The following ADAM23 variants were observed in gnomAD, a reference collection of about 807,000 sequenced individuals.
ADAM23 encodes the protein disintegrin and metalloproteinase domain-containing protein 23.
A neutral mutation model predicts 120.1 loss-of-function variants in ADAM23; 33 were observed. The ratio of observed to expected loss-of-function variants is 0.27; its 90% CI spans 0.21 to 0.37. The LOEUF (loss-of-function observed/expected upper bound fraction) is 0.37, where lower values mean the gene tolerates loss of function less well. Among genes scored for constraint, ADAM23 ranks in the 10% least tolerant of loss-of-function variants. The pLI is 1.00. For synonymous variants in ADAM23, 367 were observed against 375.2 expected, an observed-to-expected ratio of 0.98 and a Z score of 0.25; for missense variants, 862 against 1,058.2, an observed-to-expected ratio of 0.81 and a Z score of 2.57.
intron 4 of ADAM23, among the ~76,000 whole-genome samples, chr2:206,531,518 C>T (rs1468180674): frequency 2.0e-5 from 3 of 152,260 alleles, no homozygotes; most frequent in Non-Finnish European, 4.4e-5. Context: ...CTGATTCCTT[C>T]ATTTGGAGAT....
chr2:206,593,869 A>G (rs367850860), intron 22 of ADAM23, among the ~76,000 whole-genome samples: 1 of 151,924 alleles, frequency 6.6e-6, no homozygotes, highest in Non-Finnish European at 1.5e-5. Context: ...AAATAATCTT[A>G]TGAAACCACT....
chr2:206,496,716 G>C (rs1001546454), intron 3 of ADAM23, among the ~76,000 whole-genome samples: 5 of 152,102 alleles, frequency 3.3e-5, no homozygotes, highest in East Asian at 1.9e-4. Flanking sequence ...TCCAGGAGCT[G>C]GTTTTTTGAA....
intron 1 of ADAM23, among the ~76,000 whole-genome samples, chr2:206,444,895 A>G (rs1695045702): frequency 6.6e-6 from 1 of 152,194 alleles, no homozygotes; most frequent in African/African-American, 2.4e-5. Context: ...GCCACTAGGC[A>G]GAGTAGAGTT....
chr2:206,570,002 C>G (rs1249092864), intron 15 of ADAM23, among the ~76,000 whole-genome samples: 1 of 152,144 alleles, frequency 6.6e-6, no homozygotes, highest in Non-Finnish European at 1.5e-5. Flanking sequence ...GCCCCCCTCC[C>G]CACTGCCCCT....
At chr2:206,537,841 A>G (rs1350522791) in intron 4 of ADAM23, among the ~76,000 whole-genome samples, 10 of 152,216 alleles carry the variant, frequency 6.6e-5, no homozygotes, top group Non-Finnish European at 1.3e-4. Flanking sequence ...TGCATAAATA[A>G]TAATTTAAGC....
intron 4 of ADAM23, among the ~76,000 whole-genome samples, chr2:206,535,712 G>A (rs1022564948): frequency 2.6e-5 from 4 of 152,136 alleles, no homozygotes; most frequent in Non-Finnish European, 5.9e-5. Context: ...ACACGAAGGG[G>A]CACATATGAT....
rs779486518 is a variant in ADAM23, at chr2:206,617,630, C to T, written c.*3C>T. The T allele has an allele frequency of 1.7e-5, 27 of 1,613,232 alleles. No individual in the cohort carries two copies. The South Asian group carries it at 2.8e-4, about 16-fold the overall frequency. On this transcript the variant is annotated 3_prime_UTR_variant, in exon 26 of 26. Transcript: ENST00000264377. ...CTACTCAGCAAGGCCCCATCTGAAT[C>T]AGCTGCGCTGGATGGACACCGCCTT...
At chr2:206,463,796 C>T (rs750989210) in intron 2 of ADAM23, among the ~76,000 whole-genome samples, 1 of 152,186 alleles carries the variant, frequency 6.6e-6, no homozygotes, top group East Asian at 1.9e-4. Context: ...GTAGAGACCT[C>T]GGGGTTTCAC....
intron 18 of ADAM23, among the ~76,000 whole-genome samples, chr2:206,585,729 C>G (rs369106973): frequency 1.3e-5 from 2 of 151,946 alleles, no homozygotes; most frequent in African/African-American, 4.8e-5. Flanking sequence ...TAGAATCCTG[C>G]TTGCATGGAG....
At chr2:206,604,155 A>T (rs1006688812) in intron 24 of ADAM23, among the ~76,000 whole-genome samples, 4 of 152,090 alleles carry the variant, frequency 2.6e-5, no homozygotes, top group African/African-American at 9.7e-5. Context: ...AGTCCCAGCT[A>T]CTTGGGAGGG....
At chr2:206,602,859 AAAT>A (rs2105858780) in intron 24 of ADAM23, among the ~76,000 whole-genome samples, 1 of 152,310 alleles carries the variant, frequency 6.6e-6, no homozygotes, top group East Asian at 1.9e-4. Flanking sequence ...CCAAGACTGA[AAAT>A]AATAATAAAC....
At chr2:206,582,700 A>T (rs567781048) in intron 18 of ADAM23, among the ~76,000 whole-genome samples, 36 of 152,140 alleles carry the variant, frequency 2.4e-4, no homozygotes, top group Admixed American at 4.6e-4. Flanking sequence ...TGTTTCCAGG[A>T]TTTGTTTCAA....
At chr2:206,578,913 A>AT (rs769270679) in intron 18 of ADAM23, among the ~76,000 whole-genome samples, 4 of 151,540 alleles carry the variant, frequency 2.6e-5, no homozygotes, top group Non-Finnish European at 4.4e-5. Context: ...CTGTTTTTTT[A>AT]TTTTTTTATT....
intron 2 of ADAM23, among the ~76,000 whole-genome samples, chr2:206,449,615 C>A (rs1352381585): frequency 2.0e-5 from 3 of 152,120 alleles, no homozygotes; most frequent in Admixed American, 2.0e-4. Flanking sequence ...TAAAAAAATA[C>A]AAAAATTAGC....
chr2:206,583,359 C>G (rs978900732), intron 18 of ADAM23, among the ~76,000 whole-genome samples: 1 of 151,586 alleles, frequency 6.6e-6, no homozygotes, highest in African/African-American at 2.4e-5. Flanking sequence ...GAGGCTGAGG[C>G]AGGAGAATGG....
intron 18 of ADAM23, among the ~76,000 whole-genome samples, chr2:206,580,474 T>C (rs145839982): frequency 0.011 from 1,619 of 152,316 alleles, 13 homozygotes; most frequent in Middle Eastern, 0.024. Flanking sequence ...ATTGAGATGA[T>C]CATGTGATTT....
chr2:206,566,756 G>T (rs1482338079), intron 14 of ADAM23, among the ~76,000 whole-genome samples: 1 of 151,822 alleles, frequency 6.6e-6, no homozygotes, highest in Non-Finnish European at 1.5e-5. Context: ...TTGTTGGCCT[G>T]CATGATATAG....
In ADAM23 at chr2:206,620,347, T is replaced by G. The variant is rs1048768921; in HGVS notation, c.*2720T>G. 2.0e-5 allele frequency: 3 copies of G among 152,150 alleles called. No homozygotes were observed. The highest frequency in any genetic ancestry group is 7.2e-5 in the African/African-American group (3 of 41,430). The allele number at this position is 152,150 out of a possible 1,614,324, so 9.4% of individuals were successfully genotyped here. The stretch of plus-strand genomic sequence containing the variant: ...CTATGCTCCAATGTTAAATTATTTG[T>G]GTATATGTAAAATACACAAGCTTTA... On this transcript the variant is annotated 3_prime_UTR_variant, in exon 26 of 26. Transcript: ENST00000264377.
At chr2:206,558,389 T>C (rs1697689352) in intron 10 of ADAM23, among the ~76,000 whole-genome samples, 1 of 152,334 alleles carries the variant, frequency 6.6e-6, no homozygotes, top group Non-Finnish European at 1.5e-5. Context: ...ATGATACTTA[T>C]TTACTCCAAA....
Sources: allele counts gnomAD v4.1 joint callset (sites outside exome capture counted in the v4.1 genomes callset), GRCh38; gene constraint gnomAD v4.1.1; transcripts MANE v1.5; gene names NCBI Gene and HGNC (gene_info 2026-07-23, HGNC 2026-07-21).